The following SEMA4F variants were observed in gnomAD, a reference collection of about 807,000 sequenced individuals.
SEMA4F encodes ssemaphorin 4F.
Under a neutral mutation model 78.4 loss-of-function variants are expected in SEMA4F, and 51 were observed. That is an observed-to-expected ratio of 0.65 (90% CI 0.52 to 0.82). SEMA4F has a LOEUF of 0.82. Among genes scored for constraint, SEMA4F ranks in the 40% least tolerant of loss-of-function variants. SEMA4F has a pLI of 0.00. For synonymous variants in SEMA4F, 418 were observed against 408.7 expected (o/e 1.02, Z -0.27); for missense variants, 938 against 1,014.4 (o/e 0.92, Z 1.02).
rs911957259 is a variant in SEMA4F, at chr2:74,682,388, C to T, written c.*2179C>T. ...CCAAGATCACGCCACTGCACTCCAG[C>T]CTGGGCAACAGAGCAAAACTCCGTC... is the stretch of plus-strand genomic sequence containing the variant. On this transcript the variant is annotated 3_prime_UTR_variant, in exon 14 of 14. Coordinates refer to ENST00000357877, the MANE Select transcript of SEMA4F (RefSeq NM_004263.5). 1.3e-5 allele frequency: 2 copies of T among 151,590 alleles called. No individual in the cohort carries two copies. Among genetic ancestry groups the T allele is most frequent in the African/African-American group, 4.9e-5 (2 of 40,988 alleles). The allele number at this position is 151,590 out of a possible 1,614,324, so 9.4% of individuals were successfully genotyped here.
chr2:74,686,254 C>T (rs1259267791), downstream of SEMA4F, among the ~76,000 whole-genome samples: 3 of 152,100 alleles, frequency 2.0e-5, no homozygotes, highest in Non-Finnish European at 4.4e-5. Context: ...CGCCTACCAC[C>T]ACGCCCGGCT....
At chr2:74,675,497 T>C in intron 10 of SEMA4F, 28 bp from the exon 11 acceptor site, 1 of 1,606,628 alleles carries the variant, frequency 6.2e-7, no homozygotes, top group Non-Finnish European at 8.5e-7. Context: ...AATTATGTAA[T>C]TATTCTTGTT....
At chr2:74,696,342 C>T in the SEMA4F span, among the ~76,000 whole-genome samples, 31 of 151,908 alleles carry the variant, frequency 2.0e-4, no homozygotes, top group Admixed American at 5.2e-4. Context: ...ACTACAGGTG[C>T]CTGCCACCAT....
chr2:74,655,296 T>C, intron 1 of SEMA4F: 1 of 406,572 alleles, frequency 2.5e-6, no homozygotes, highest in Non-Finnish European at 5.1e-6. Context: ...AGGAGGGGGA[T>C]ATGATCCTTT....
chr2:74,678,551 G>A (rs976417488), intron 12 of SEMA4F, among the ~76,000 whole-genome samples: 18 of 152,296 alleles, frequency 1.2e-4, no homozygotes, highest in East Asian at 3.9e-4. Flanking sequence ...GAGGCTTTTT[G>A]TGTTCAGACC....
chr2:74,707,936 G>A, the SEMA4F span, among the ~76,000 whole-genome samples: 1 of 152,130 alleles, frequency 6.6e-6, no homozygotes, highest in Non-Finnish European at 1.5e-5. Flanking sequence ...ATCAGCACAT[G>A]TGTGTGAGGA....
At chr2:74,692,907 A>G in the SEMA4F span, among the ~76,000 whole-genome samples, 1 of 152,224 alleles carries the variant, frequency 6.6e-6, no homozygotes, top group African/African-American at 2.4e-5. Context: ...GAGTGTGTTT[A>G]TTTGTGGGTG....
the SEMA4F span, among the ~76,000 whole-genome samples, chr2:74,698,885 AC>A: frequency 2.0e-5 from 3 of 152,236 alleles, no homozygotes; most frequent in Non-Finnish European, 4.4e-5. Context: ...CAGCAGTAGT[AC>A]CAGGTTTCAT....
At chr2:74,692,634 A>G in the SEMA4F span, among the ~76,000 whole-genome samples, 1 of 152,218 alleles carries the variant, frequency 6.6e-6, no homozygotes, top group Non-Finnish European at 1.5e-5. Flanking sequence ...GCAAACAGCT[A>G]GGATAGGGCT....
chr2:74,684,328 T>C (rs1040518715), downstream of SEMA4F, among the ~76,000 whole-genome samples: 1 of 152,196 alleles, frequency 6.6e-6, no homozygotes, highest in Admixed American at 6.5e-5. Context: ...GGGTATTTAT[T>C]GTGTTACTAG....
At position 74,674,348 on chromosome 2, in the gene SEMA4F, TG is replaced by T. The variant is rs1685148168; in HGVS notation, c.823-149del. The T allele has an allele frequency of 1.2e-5, 8 of 655,972 alleles. No homozygotes were observed. The East Asian group carries it at 2.2e-4, about 18-fold the overall frequency. The allele number at this position is 655,972 out of a possible 1,614,324, so 40.6% of individuals were successfully genotyped here. A position where few individuals can be genotyped will look rare whatever the true frequency, so the allele number is the denominator to read the frequency against. ...TATCTCATTATCCCCGCAGCTACTC[TG>T]TGTGGCTCTCTGTCCTTGCATTTGT... On this transcript the variant is annotated intron_variant, in intron 7 of 13. Transcript: ENST00000357877.
intron 5 of SEMA4F, among the ~76,000 whole-genome samples, chr2:74,663,767 A>T (rs1483555968): frequency 2.6e-5 from 4 of 152,076 alleles, no homozygotes; most frequent in African/African-American, 9.7e-5. Context: ...TGACCCAAAC[A>T]CCTCACACTA....
intron 7 of SEMA4F, among the ~76,000 whole-genome samples, chr2:74,674,030 G>A (rs1685132970): frequency 1.3e-5 from 2 of 152,240 alleles, no homozygotes; most frequent in African/African-American, 4.8e-5. Flanking sequence ...GTGACACACT[G>A]TCTACAGTGT....
chr2:74,675,626 T>C lies in SEMA4F; in HGVS notation c.1474T>C (p.Leu492=). 1 of 1,613,996 alleles carries C rather than the reference T, an allele frequency of 6.2e-7. No individual in the cohort carries two copies. The highest frequency in any genetic ancestry group is 8.5e-7 in the Non-Finnish European group (1 of 1,179,900). ...PEPQPVENMK[L]YHSWLLVGSR... ...GCCACAGCCAGTTGAGAACATGAAA[T>C]TGTACCACGTGAGTTGTAGATTTTG... Residue 492 remains leucine, a synonymous_variant, in exon 11 of 14, where the codon TTG becomes CTG. Transcript: ENST00000357877.
rs766181364 is a variant in SEMA4F, at chr2:74,674,886, A to C, written c.1002-2A>C. On this transcript the variant is annotated splice_acceptor_variant, in intron 8 of 13. Coordinates refer to ENST00000357877, the MANE Select transcript of SEMA4F (RefSeq NM_004263.5). LOFTEE classifies it high-confidence loss of function. ...TATCCAGCTCCAACCTGTGAATTCC[A>C]GGGAGGGGGCTACTATCTCTGCTGT... The C allele has an allele frequency of 2.5e-6, 4 of 1,613,494 alleles. No homozygotes were observed. The highest frequency in any genetic ancestry group is 1.7e-6 in the Non-Finnish European group (2 of 1,179,794).
chr2:74,691,212 T>C, the SEMA4F span, among the ~76,000 whole-genome samples: 1 of 152,228 alleles, frequency 6.6e-6, no homozygotes, highest in Non-Finnish European at 1.5e-5. Flanking sequence ...ATATTTACTG[T>C]TGTAAATATG....
At chr2:74,670,630 G>A (rs555506189) in intron 5 of SEMA4F, among the ~76,000 whole-genome samples, 3 of 152,318 alleles carry the variant, frequency 2.0e-5, no homozygotes, top group South Asian at 2.1e-4. Context: ...CGCTCCCAGC[G>A]TCTGCTTTAC....
At chr2:74,657,734 A>G (rs1684227289) in intron 3 of SEMA4F, 110 bp downstream of exon 3, 2 of 1,386,062 alleles carry the variant, frequency 1.4e-6, no homozygotes, top group Admixed American at 1.7e-5. Context: ...CAGAGACTCT[A>G]ACACCATGCC....
the SEMA4F span, among the ~76,000 whole-genome samples, chr2:74,693,712 G>A: frequency 6.6e-6 from 1 of 152,190 alleles, no homozygotes; most frequent in Admixed American, 6.5e-5. Flanking sequence ...AAGGTAGCAT[G>A]CTTTATAACC....
Sources: gnomAD v4.1 joint callset for allele counts (sites outside exome capture counted in the v4.1 genomes callset) on GRCh38, gnomAD v4.1.1 for gene constraint, MANE v1.5 for transcripts, NCBI Gene and HGNC (gene_info 2026-07-23, HGNC 2026-07-21) for gene names.